Variants in ADGRL3 observed in about 807,000 individuals in gnomAD.
The protein encoded by ADGRL3 is calcium-independent alpha-latrotoxin receptor 3.
A neutral mutation model predicts 153.5 loss-of-function variants in ADGRL3; 62 were observed. The observed-to-expected ratio is 0.40, with a 90% CI of 0.33 to 0.50. ADGRL3 has a LOEUF of 0.50. ADGRL3 is among the 20% of genes least tolerant of loss of function. The pLI, the probability that ADGRL3 is intolerant of heterozygous loss-of-function variation, is 0.47. For synonymous variants in ADGRL3, 710 were observed against 672.5 expected (o/e 1.06, Z -0.86); for missense variants, 1,641 against 1,859.4 (o/e 0.88, Z 2.16).
intron 17 of ADGRL3, among the ~76,000 whole-genome samples, chr4:61,973,418 A>G (rs1313960689): frequency 6.6e-6 from 1 of 152,128 alleles, no homozygotes; most frequent in African/African-American, 2.4e-5. Flanking sequence ...CAGATTACCT[A>G]AGACAAAAAT....
chr4:61,913,814 G>T (rs999578074), intron 13 of ADGRL3, among the ~76,000 whole-genome samples: 1 of 152,144 alleles, frequency 6.6e-6, no homozygotes, highest in Non-Finnish European at 1.5e-5. Flanking sequence ...GAATTGGATA[G>T]CCTTGGGGCA....
chr4:61,398,300 T>A (rs2096891015), intron 2 of ADGRL3, among the ~76,000 whole-genome samples: 1 of 151,644 alleles, frequency 6.6e-6, no homozygotes, highest in Non-Finnish European at 1.5e-5. Flanking sequence ...GAAAAAAAAA[T>A]CAATTTTAGT....
Position 62,069,450 on chromosome 4 carries a change from C to T in ADGRL3, c.3833-659C>T, listed in dbSNP as rs142517548. On this transcript the variant is annotated intron_variant, in intron 26 of 26. Transcript: ENST00000683033. The stretch of plus-strand genomic sequence containing the variant: ...AAATACTTTTGTTTCGAAAATTCCT[C>T]GGTGTAAATTCTTTTGATGTGCCAT... Among the ~76,000 whole-genome samples, 703 of 152,038 alleles carry T rather than the reference C, an allele frequency of 4.6e-3. 9 individuals are homozygous for T. The highest frequency in any genetic ancestry group is 0.016 in the African/African-American group (660 of 41,462).
intron 11 of ADGRL3, among the ~76,000 whole-genome samples, chr4:61,904,196 CT>C (rs927379041): frequency 7.7e-6 from 1 of 129,690 alleles, no homozygotes; most frequent in Non-Finnish European, 1.7e-5. Flanking sequence ...AAAAAAAACA[CT>C]TCTTGAATGC....
intron 9 of ADGRL3, among the ~76,000 whole-genome samples, chr4:61,845,347 G>C (rs2098102888): frequency 6.6e-6 from 1 of 150,654 alleles, no homozygotes; most frequent in Admixed American, 6.6e-5. Flanking sequence ...TTAATTAACT[G>C]TTTTGTAATT....
At chr4:61,630,266 G>A (rs1383010868) in intron 5 of ADGRL3, among the ~76,000 whole-genome samples, 1 of 152,116 alleles carries the variant, frequency 6.6e-6, no homozygotes, top group African/African-American at 2.4e-5. Flanking sequence ...TTCTTGAAAG[G>A]TGAAGTAATT....
At chr4:61,538,500 TG>T (rs889529024) in intron 4 of ADGRL3, among the ~76,000 whole-genome samples, 22 of 152,090 alleles carry the variant, frequency 1.4e-4, no homozygotes, top group Non-Finnish European at 2.6e-4. Flanking sequence ...AGGGCAATGG[TG>T]CGATCTCAGC....
intron 25 of ADGRL3, among the ~76,000 whole-genome samples, chr4:62,048,533 T>A (rs1343918387): frequency 2.0e-5 from 3 of 152,024 alleles, no homozygotes; most frequent in Non-Finnish European, 4.4e-5. Flanking sequence ...AGTGCTGGGA[T>A]TACAGGCATG....
At chr4:61,400,812 A>ATTT (rs2096921033) in intron 2 of ADGRL3, among the ~76,000 whole-genome samples, 1 of 73,010 alleles carries the variant, frequency 1.4e-5, no homozygotes, top group Non-Finnish European at 3.4e-5. Flanking sequence ...GTGCAGCTAA[A>ATTT]GTTACAAAAA....
intron 9 of ADGRL3, among the ~76,000 whole-genome samples, chr4:61,849,637 G>A (rs1361602133): frequency 6.6e-6 from 1 of 151,918 alleles, no homozygotes; most frequent in Non-Finnish European, 1.5e-5. Context: ...TAAACTATGT[G>A]GAGCATTTAG....
At chr4:61,809,627 C>A (rs1204783545) in intron 8 of ADGRL3, among the ~76,000 whole-genome samples, 1 of 151,988 alleles carries the variant, frequency 6.6e-6, no homozygotes, top group African/African-American at 2.4e-5. Context: ...ACCTAAGTTG[C>A]TCCCATTGAC....
chr4:61,746,003 A>G (rs1207879118), intron 8 of ADGRL3, among the ~76,000 whole-genome samples: 1 of 152,216 alleles, frequency 6.6e-6, no homozygotes, highest in Non-Finnish European at 1.5e-5. Flanking sequence ...AAATAAAAGG[A>G]TGGAGGAAGA....
At chr4:62,025,840 G>A (rs756777455) in intron 21 of ADGRL3, among the ~76,000 whole-genome samples, 3 of 152,036 alleles carry the variant, frequency 2.0e-5, no homozygotes, top group East Asian at 1.9e-4. Context: ...AACCTGTAAC[G>A]GTATTTTGTT....
chr4:61,628,851 T>C (rs1485349680), intron 5 of ADGRL3, among the ~76,000 whole-genome samples: 2 of 152,166 alleles, frequency 1.3e-5, no homozygotes, highest in East Asian at 3.9e-4. Flanking sequence ...GAAAATAAAA[T>C]TGGACTTTGT....
At chr4:62,037,606 T>C in intron 23 of ADGRL3, 125 bp from the exon 24 acceptor site, 1 of 1,027,872 alleles carries the variant, frequency 9.7e-7, no homozygotes, top group Non-Finnish European at 1.5e-6. Context: ...TGAACAGACT[T>C]TCTTACATCT....
chr4:61,561,322 A>G (rs968082735), intron 4 of ADGRL3, among the ~76,000 whole-genome samples: 8 of 152,186 alleles, frequency 5.3e-5, no homozygotes, highest in Non-Finnish European at 7.4e-5. Flanking sequence ...AAAGTAATGT[A>G]TATGTTGGAA....
intron 5 of ADGRL3, among the ~76,000 whole-genome samples, chr4:61,615,395 C>T (rs75745225): frequency 2.6e-5 from 4 of 151,544 alleles, no homozygotes; most frequent in Admixed American, 2.6e-4. Context: ...AAATAAACAC[C>T]GGTAAAAGGG....
intron 1 of ADGRL3, among the ~76,000 whole-genome samples, chr4:61,313,644 A>G (rs1047705905): frequency 6.6e-6 from 1 of 152,212 alleles, no homozygotes; most frequent in African/African-American, 2.4e-5. Context: ...TTAAGTTCCT[A>G]CAGCATATTT....
At chr4:62,035,311 G>A (rs1279380716) in intron 23 of ADGRL3, among the ~76,000 whole-genome samples, 1 of 151,984 alleles carries the variant, frequency 6.6e-6, no homozygotes, top group East Asian at 1.9e-4. Flanking sequence ...ATGAATTATT[G>A]TGGCTTAAAC....
Sources: gnomAD v4.1 joint callset for allele counts (sites outside exome capture counted in the v4.1 genomes callset) on GRCh38, gnomAD v4.1.1 for gene constraint, MANE v1.5 for transcripts, NCBI Gene and HGNC (gene_info 2026-07-23, HGNC 2026-07-21) for gene names.